The following KCNIP1 variants were observed in gnomAD, a reference collection of about 807,000 sequenced individuals.
KCNIP1 encodes potassium voltage-gated channel interacting protein 1.
Under a neutral mutation model 33.0 loss-of-function variants are expected in KCNIP1, and 18 were observed. The ratio of observed to expected loss-of-function variants is 0.55; its 90% confidence interval spans 0.38 to 0.81. The LOEUF is 0.81. KCNIP1 is among the 30% of genes least tolerant of loss of function. The probability of loss-of-function intolerance (pLI) is 0.00; values close to 1 mark genes in which losing one functional copy is unlikely to be tolerated. For synonymous variants in KCNIP1, 93 were observed against 98.3 expected (o/e 0.95, Z 0.32); for missense variants, 238 against 271.6 (o/e 0.88, Z 0.87).
intron 1 of KCNIP1, among the ~76,000 whole-genome samples, chr5:170,401,346 G>A (rs1205487528): frequency 1.3e-5 from 2 of 152,208 alleles, no homozygotes; most frequent in Non-Finnish European, 2.9e-5. Flanking sequence ...TTTACACTCA[G>A]AGTGAATATT....
intron 1 of KCNIP1, among the ~76,000 whole-genome samples, chr5:170,640,691 G>A (rs1292764479): frequency 6.6e-6 from 1 of 152,206 alleles, no homozygotes; most frequent in Non-Finnish European, 1.5e-5. Flanking sequence ...AAATCTCTCA[G>A]TGTGTGCCAG....
chr5:170,727,618 A>G (rs576635884), intron 5 of KCNIP1, among the ~76,000 whole-genome samples: 1 of 152,230 alleles, frequency 6.6e-6, no homozygotes, highest in Non-Finnish European at 1.5e-5. Context: ...AATATAGATT[A>G]CAAATCCTAA....
intron 1 of KCNIP1, among the ~76,000 whole-genome samples, chr5:170,668,110 C>A (rs759671192): frequency 1.3e-5 from 2 of 152,208 alleles, no homozygotes; most frequent in African/African-American, 2.4e-5. Context: ...ATGCAACATG[C>A]ACTTTTCCTT....
intron 1 of KCNIP1, among the ~76,000 whole-genome samples, chr5:170,394,691 C>T (rs887978786): frequency 1.3e-5 from 2 of 152,112 alleles, no homozygotes; most frequent in African/African-American, 4.8e-5. Context: ...TCTATTGATC[C>T]CATCACTGAT....
At chr5:170,455,525 C>T (rs1756351905) in intron 1 of KCNIP1, among the ~76,000 whole-genome samples, 1 of 152,156 alleles carries the variant, frequency 6.6e-6, no homozygotes, top group African/African-American at 2.4e-5. Context: ...CTTAAGTACA[C>T]ATCAAACATT....
intron 1 of KCNIP1, among the ~76,000 whole-genome samples, chr5:170,474,725 C>T (rs1049801445): frequency 2.6e-5 from 4 of 152,158 alleles, no homozygotes; most frequent in African/African-American, 7.2e-5. Context: ...AGCAATGCTG[C>T]GAGTGGAACC....
intron 1 of KCNIP1, among the ~76,000 whole-genome samples, chr5:170,652,607 G>C (rs111583910): frequency 2.6e-5 from 4 of 152,078 alleles, no homozygotes; most frequent in African/African-American, 9.7e-5. Flanking sequence ...ACAGAGGAAA[G>C]GGGGCATTGC....
At chr5:170,665,075 G>C (rs964183051) in intron 1 of KCNIP1, among the ~76,000 whole-genome samples, 4 of 152,188 alleles carry the variant, frequency 2.6e-5, no homozygotes, top group Non-Finnish European at 4.4e-5. Context: ...GCGGGGAATG[G>C]AAGCCCGAAC....
chr5:170,451,697 G>C (rs1021725122), intron 1 of KCNIP1, among the ~76,000 whole-genome samples: 3 of 148,850 alleles, frequency 2.0e-5, no homozygotes, highest in African/African-American at 7.5e-5. Context: ...TATGTTTTCC[G>C]GACAGTTGCT....
chr5:170,507,776 G>A (rs1196672066), intron 1 of KCNIP1, among the ~76,000 whole-genome samples: 1 of 152,190 alleles, frequency 6.6e-6, no homozygotes, highest in African/African-American at 2.4e-5. Flanking sequence ...GCTCTCTAAA[G>A]GCAACAGAAA....
intron 1 of KCNIP1, among the ~76,000 whole-genome samples, chr5:170,600,948 G>A (rs1049368747): frequency 3.9e-5 from 6 of 152,202 alleles, no homozygotes; most frequent in African/African-American, 1.2e-4. Flanking sequence ...CTTCAGAATC[G>A]GGCTCTACCT....
chr5:170,378,288 A>C lies in KCNIP1; in HGVS notation c.88+24324A>C, dbSNP rs1764087270. On this transcript the variant is annotated intron_variant, in intron 1 of 7. Transcript: ENST00000377360. Reference sequence around the variant, plus strand: ...GAGCTGCTGTTGCTCTTATTAGAGAATTCAAACAAAGAAGGGAGGCTCGCT... The same window carrying C: ...GAGCTGCTGTTGCTCTTATTAGAGACTTCAAACAAAGAAGGGAGGCTCGCT... 4 of 168,660 alleles carry C rather than the reference A, an allele frequency of 2.4e-5. 1 individual carries two copies. In the South Asian group the frequency reaches 7.6e-4, roughly 32 times the overall value. The allele number at this position is 168,660 out of a possible 1,614,324, so 10.4% of individuals were successfully genotyped here. A position where few individuals can be genotyped will look rare whatever the true frequency, so the allele number is the denominator to read the frequency against.
At chr5:170,378,509 T>C in intron 1 of KCNIP1, 1 of 653,222 alleles carries the variant, frequency 1.5e-6, no homozygotes, top group Non-Finnish European at 2.6e-6. Flanking sequence ...GGGGAGCCAC[T>C]GTACATTCTT....
chr5:170,449,063 A>G (rs1756185348), intron 1 of KCNIP1, among the ~76,000 whole-genome samples: 1 of 152,156 alleles, frequency 6.6e-6, no homozygotes, highest in Non-Finnish European at 1.5e-5. Flanking sequence ...CTCCATAAGA[A>G]AGTGTCCTTG....
chr5:170,370,433 C>G (rs931936793), intron 1 of KCNIP1, among the ~76,000 whole-genome samples: 7 of 152,184 alleles, frequency 4.6e-5, no homozygotes, highest in Non-Finnish European at 8.8e-5. Context: ...GATTCAAACT[C>G]TTGTTTTCCT....
At chr5:170,485,600 C>G (rs943679795) in intron 1 of KCNIP1, among the ~76,000 whole-genome samples, 1 of 152,190 alleles carries the variant, frequency 6.6e-6, no homozygotes, top group Non-Finnish European at 1.5e-5. Flanking sequence ...TGAGTCTCCA[C>G]CAGGCCCACC....
intron 1 of KCNIP1, among the ~76,000 whole-genome samples, chr5:170,635,966 C>T (rs1185995912): frequency 6.6e-6 from 1 of 152,208 alleles, no homozygotes; most frequent in Non-Finnish European, 1.5e-5. Context: ...GTCAAGCCAA[C>T]AGGACTTGCC....
At chr5:170,617,061 G>A (rs1454232330) in intron 1 of KCNIP1, among the ~76,000 whole-genome samples, 1 of 152,008 alleles carries the variant, frequency 6.6e-6, no homozygotes, top group African/African-American at 2.4e-5. Context: ...TGTCTTATTT[G>A]TCTTGGTATC....
intron 1 of KCNIP1, among the ~76,000 whole-genome samples, chr5:170,571,789 G>C (rs901749288): frequency 6.6e-6 from 1 of 152,152 alleles, no homozygotes; most frequent in Non-Finnish European, 1.5e-5. Flanking sequence ...TCAGGGAATA[G>C]GTCATTCTGT....
Sources: allele counts gnomAD v4.1 joint callset (sites outside exome capture counted in the v4.1 genomes callset), GRCh38; gene constraint gnomAD v4.1.1; transcripts MANE v1.5; gene names NCBI Gene and HGNC (gene_info 2026-07-23, HGNC 2026-07-21).